The following SH3BP5 variants were observed in gnomAD, a reference collection of about 807,000 sequenced individuals.
SH3BP5 encodes the protein SH3 domain binding protein 5.
Under a neutral mutation model 43.3 loss-of-function variants are expected in SH3BP5, and 22 were observed. The observed-to-expected ratio is 0.51, with a 90% CI of 0.36 to 0.73. SH3BP5 has a LOEUF of 0.73. SH3BP5 is among the 30% of genes least tolerant of loss of function. The probability of loss-of-function intolerance (pLI) is 0.00; values close to 1 mark genes in which losing one functional copy is unlikely to be tolerated. For missense variants in SH3BP5, 529 were observed against 586.9 expected (o/e 0.90, Z 1.02); for synonymous variants, 255 against 225.8 (o/e 1.13, Z -1.16).
intron 3 of SH3BP5, among the ~76,000 whole-genome samples, chr3:15,276,945 A>G (rs1026484064): frequency 4.6e-5 from 7 of 151,786 alleles, no homozygotes; most frequent in African/African-American, 7.3e-5. Context: ...CAGAGCTTTC[A>G]TTCTAAATTT....
chr3:15,311,776 C>A (rs371921903), intron 2 of SH3BP5, among the ~76,000 whole-genome samples: 10 of 152,212 alleles, frequency 6.6e-5, no homozygotes, highest in African/African-American at 2.4e-4. Flanking sequence ...TGGGCTCAAG[C>A]AATGCCCCTA....
At chr3:15,297,437 C>T (rs775397693) in intron 3 of SH3BP5, among the ~76,000 whole-genome samples, 1 of 152,150 alleles carries the variant, frequency 6.6e-6, no homozygotes, top group Admixed American at 6.6e-5. Context: ...TCACCAGATA[C>T]TCAACATTTG....
At chr3:15,273,232 T>C in intron 3 of SH3BP5, 2 of 985,364 alleles carry the variant, frequency 2.0e-6, no homozygotes, top group Non-Finnish European at 2.4e-6. Context: ...CATTTAAGGG[T>C]AAACTCTCTT....
At chr3:15,323,955 G>T (rs1178657774) in intron 2 of SH3BP5, among the ~76,000 whole-genome samples, 2 of 152,142 alleles carry the variant, frequency 1.3e-5, no homozygotes, top group African/African-American at 2.4e-5. Flanking sequence ...AAGCAGTATG[G>T]GGGGACCACT....
intron 8 of SH3BP5, 73 bp from the exon 9 acceptor site, chr3:15,256,376 T>C: frequency 1.4e-6 from 2 of 1,471,586 alleles, no homozygotes; most frequent in Non-Finnish European, 1.9e-6. Context: ...ATACAAAGAT[T>C]ATCAAAAGTG....
chr3:15,327,486 C>T (rs1698494173), intron 2 of SH3BP5, among the ~76,000 whole-genome samples: 1 of 152,222 alleles, frequency 6.6e-6, no homozygotes, highest in African/African-American at 2.4e-5. Flanking sequence ...CTCCCCTTGA[C>T]CACCCCAGTG....
chr3:15,326,907 A>G (rs777170260), intron 2 of SH3BP5, among the ~76,000 whole-genome samples: 5 of 152,200 alleles, frequency 3.3e-5, no homozygotes, highest in Admixed American at 6.5e-5. Flanking sequence ...ATGAATCAAT[A>G]GTATATAGTA....
Position 15,256,229 on chromosome 3 carries a change from CACTGCT to C in SH3BP5, c.1219_1224del (p.Ser407_Ser408del), listed in dbSNP as rs775346510. 1.1e-5 allele frequency: 17 copies of C among 1,614,112 alleles called. No homozygotes were observed. Among genetic ancestry groups the C allele is most frequent in the African/African-American group, 8.0e-5 (6 of 74,940 alleles). On this transcript the variant is annotated inframe_deletion, in exon 9 of 9. Transcript: ENST00000383791. Reference sequence around the variant, plus strand: ...TGGCTCTTACTGCTGCCACCACTGCCACTGCTACTGCTGAGGCCCCGGTTGTTGTTG... The same window carrying C: ...TGGCTCTTACTGCTGCCACCACTGCCACTGCTGAGGCCCCGGTTGTTGTTG...
In SH3BP5 at chr3:15,256,100, C is replaced by T. The variant is rs561146303; in HGVS notation, c.1354G>A (p.Val452Met). The T allele has an allele frequency of 6.8e-6, 11 of 1,613,614 alleles. No individual in the cohort carries two copies. The highest frequency in any genetic ancestry group is 3.3e-5 in the Admixed American group (2 of 59,982). The change falls in exon 9 of 9, where the codon GTG becomes ATG. Residue 452 changes from valine (V) to methionine (M), a missense_variant. By Grantham distance (21) the Val-to-Met change is conservative (BLOSUM62 1). Around this residue, in one of 3 missense-constraint regions of SH3BP5, gnomAD observed 369 missense variants for 384.3 expected, o/e 0.96. Transcript: ENST00000383791. ...CCCAGGATGAATCAGCCAATCTGCA[C>T]CATTTTTATGTCAGCAATAATTCCA... Reference protein sequence around the residue: ...RDGIIADIKMVQIG With the variant: ...RDGIIADIKMMQIG
At chr3:15,299,173 C>T (rs575602220) in intron 3 of SH3BP5, among the ~76,000 whole-genome samples, 26 of 152,300 alleles carry the variant, frequency 1.7e-4, no homozygotes, top group African/African-American at 5.3e-4. Context: ...ACATGGGCTC[C>T]GCCCTCATCA....
intron 3 of SH3BP5, among the ~76,000 whole-genome samples, chr3:15,300,061 C>G (rs62242099): frequency 6.6e-6 from 1 of 152,096 alleles, no homozygotes; most frequent in Admixed American, 6.5e-5. Flanking sequence ...TAAGGACCTT[C>G]TCTCACATAA....
chr3:15,278,160 C>G (rs1697024090), intron 3 of SH3BP5, among the ~76,000 whole-genome samples: 1 of 152,272 alleles, frequency 6.6e-6, no homozygotes, highest in Non-Finnish European at 1.5e-5. Context: ...TAACTTGATA[C>G]TGTTTTGTCC....
intron 2 of SH3BP5, among the ~76,000 whole-genome samples, chr3:15,304,488 G>C (rs982304325): frequency 1.3e-5 from 2 of 152,198 alleles, no homozygotes; most frequent in Non-Finnish European, 2.9e-5. Context: ...AAAACTGGCC[G>C]GTGTGACTGA....
intron 3 of SH3BP5, among the ~76,000 whole-genome samples, chr3:15,300,478 G>C (rs1697704886): frequency 7.3e-6 from 1 of 137,120 alleles, no homozygotes; most frequent in Admixed American, 8.0e-5. Context: ...TAACCAGAGA[G>C]CTTTGTAAAT....
At chr3:15,256,788 G>A (rs947727524) in intron 8 of SH3BP5, 65 bp downstream of exon 8, 2 of 1,530,194 alleles carry the variant, frequency 1.3e-6, no homozygotes, top group African/African-American at 2.7e-5. Context: ...GGTATGGAAT[G>A]GCACAACAGT....
chr3:15,255,937 A>ATCTT lies in SH3BP5; in HGVS notation c.*145_*148dup. 1.4e-6 allele frequency: 1 copy of ATCTT among 721,720 alleles called. No homozygotes were observed. Among genetic ancestry groups the ATCTT allele is most frequent in the Non-Finnish European group, 2.4e-6 (1 of 424,932 alleles). The allele number at this position is 721,720 out of a possible 1,614,324, so 44.7% of individuals were successfully genotyped here. ...CCAAGAGCTCTTACCCAGAAGAACA[A>ATCTT]TCTTTAGCCCTCAAGGTCACTGAAA... On this transcript the variant is annotated 3_prime_UTR_variant, in exon 9 of 9. Coordinates refer to ENST00000383791, the MANE Select transcript of SH3BP5 (RefSeq NM_004844.5).
Position 15,262,752 on chromosome 3 carries a change from G to C in SH3BP5, c.496-463C>G, listed in dbSNP as rs138946347. ...GTGGGTGGATCGCCTAAGGTCAGGAGTTTGAGACCAGCCTGGCCAACATGG... is the reference window on the plus strand; with the variant it reads ...GTGGGTGGATCGCCTAAGGTCAGGACTTTGAGACCAGCCTGGCCAACATGG... On this transcript the variant is annotated intron_variant, in intron 4 of 8. Transcript: ENST00000383791. Among the ~76,000 whole-genome samples, 829 of 152,178 alleles carry C rather than the reference G, an allele frequency of 5.4e-3. 9 individuals are homozygous for C. Among genetic ancestry groups the C allele is most frequent in the African/African-American group, 0.019 (795 of 41,496 alleles).
intron 2 of SH3BP5, among the ~76,000 whole-genome samples, chr3:15,306,706 T>C (rs1036084182): frequency 3.3e-5 from 5 of 152,080 alleles, no homozygotes; most frequent in African/African-American, 1.2e-4. Flanking sequence ...TCTCACTCTG[T>C]CACCCAGGCT....
At chr3:15,326,450 C>T (rs1330621754) in intron 2 of SH3BP5, among the ~76,000 whole-genome samples, 11 of 152,158 alleles carry the variant, frequency 7.2e-5, no homozygotes, top group African/African-American at 2.4e-4. Flanking sequence ...ACAAAAATCA[C>T]GAGAGGTGCC....
Sources: gnomAD v4.1 joint callset for allele counts (sites outside exome capture counted in the v4.1 genomes callset) on GRCh38, gnomAD v4.1.1 for gene constraint, gnomAD v4.1.1 regional missense constraint, MANE v1.5 for transcripts, NCBI Gene and HGNC (gene_info 2026-07-23, HGNC 2026-07-21) for gene names.